The following ALKBH3 variants were observed in gnomAD, a reference collection of about 807,000 sequenced individuals.
ALKBH3 encodes alkB homolog 3, alpha-ketoglutarate dependent dioxygenase, also known as alpha-ketoglutarate-dependent dioxygenase alkB homolog 3.
Under a neutral mutation model 43.9 loss-of-function variants are expected in ALKBH3, and 51 were observed. The observed-to-expected ratio is 1.16, with a 90% confidence interval of 0.93 to 1.47. The LOEUF (loss-of-function observed/expected upper bound fraction) is 1.47. Among genes scored for constraint, ALKBH3 ranks in the 40% most tolerant of loss-of-function variants. The probability of loss-of-function intolerance (pLI) is 0.00; values close to 1 mark genes in which losing one functional copy is unlikely to be tolerated. For synonymous variants in ALKBH3, 102 were observed against 115.2 expected (o/e 0.89, Z 0.73); for missense variants, 361 against 351.9 (o/e 1.03, Z -0.21).
chr11:43,903,642 A>G (rs886782137), intron 8 of ALKBH3, among the ~76,000 whole-genome samples: 6 of 152,174 alleles, frequency 3.9e-5, no homozygotes, highest in African/African-American at 1.2e-4. Context: ...AGCCTTTGGT[A>G]TAATAATGGT....
chr11:43,897,288 C>G (rs1951826058), intron 7 of ALKBH3: 1 of 594,576 alleles, frequency 1.7e-6, no homozygotes. Flanking sequence ...CCGTCGCCAC[C>G]CCACATCCCA....
chr11:43,892,755 G>A (rs1459818559), intron 7 of ALKBH3, among the ~76,000 whole-genome samples: 1 of 152,200 alleles, frequency 6.6e-6, no homozygotes, highest in Non-Finnish European at 1.5e-5. Flanking sequence ...GGCAAATAAT[G>A]TTATGTTTTA....
At chr11:43,906,302 G>C (rs113435479) in intron 8 of ALKBH3, among the ~76,000 whole-genome samples, 4 of 152,292 alleles carry the variant, frequency 2.6e-5, no homozygotes, top group African/African-American at 9.6e-5. Context: ...GGGAAGAGTG[G>C]AGTATAAAAA....
At chr11:43,907,664 G>A (rs898479409) in intron 8 of ALKBH3, among the ~76,000 whole-genome samples, 2 of 152,020 alleles carry the variant, frequency 1.3e-5, no homozygotes, top group Admixed American at 1.3e-4. Context: ...CTGTCTCACC[G>A]AGGCAGAGAA....
At chr11:43,915,103 G>C (rs1005918905) in intron 8 of ALKBH3, among the ~76,000 whole-genome samples, 3 of 151,824 alleles carry the variant, frequency 2.0e-5, no homozygotes, top group African/African-American at 7.3e-5. Context: ...AGCTACTCGG[G>C]AGGCTGAGGC....
At chr11:43,909,607 G>A (rs895976221) in intron 8 of ALKBH3, 26 of 152,190 alleles carry the variant, frequency 1.7e-4, no homozygotes, top group African/African-American at 5.8e-4. Context: ...ATAAATGTAC[G>A]TTTGATCCTC....
rs778429024 is a variant in ALKBH3, at chr11:43,882,740, C to A, written c.79+9C>A. 5.0e-6 allele frequency: 8 copies of A among 1,609,194 alleles called. No individual in the cohort carries two copies. The highest frequency in any genetic ancestry group is 6.8e-6 in the Non-Finnish European group (8 of 1,178,508). ...GGCCATTGCTCAGCCAGGCAAGAAT[C>A]TGTAGGGATTTTGTGTGTGTGTGGA... On this transcript the variant is annotated intron_variant, in intron 2 of 9. Coordinates refer to ENST00000302708, the MANE Select transcript of ALKBH3 (RefSeq NM_139178.4).
At chr11:43,882,764 G>A (rs763778329) in intron 2 of ALKBH3, 33 bp downstream of exon 2, 7 of 1,571,620 alleles carry the variant, frequency 4.5e-6, no homozygotes, top group East Asian at 2.2e-5. Flanking sequence ...TGTGTGTGTG[G>A]ATATGGACAA....
chr11:43,894,771 A>G (rs1183337818), intron 7 of ALKBH3, among the ~76,000 whole-genome samples: 1 of 152,264 alleles, frequency 6.6e-6, no homozygotes, highest in African/African-American at 2.4e-5. Flanking sequence ...AATAGGAAAT[A>G]CAGCCTGCTG....
intron 7 of ALKBH3, chr11:43,898,931 C>T (rs1235750952): frequency 1.3e-6 from 1 of 746,258 alleles, no homozygotes; most frequent in East Asian, 2.5e-5. Flanking sequence ...GACTGGTCCC[C>T]AAATCTCTCT....
At chr11:43,907,479 T>A (rs979501052) in intron 8 of ALKBH3, among the ~76,000 whole-genome samples, 1 of 152,174 alleles carries the variant, frequency 6.6e-6, no homozygotes, top group African/African-American at 2.4e-5. Context: ...ACTAAGTGAT[T>A]CATTGTTGTT....
At chr11:43,918,883 G>A (rs1952004096) in intron 8 of ALKBH3, 155 bp from the exon 9 acceptor site, 1 of 609,708 alleles carries the variant, frequency 1.6e-6, no homozygotes, top group African/African-American at 1.8e-5. Context: ...GAGGTAACTT[G>A]CCAACAGTCA....
chr11:43,886,021 A>G (rs542128333), intron 4 of ALKBH3, among the ~76,000 whole-genome samples: 13 of 152,316 alleles, frequency 8.5e-5, no homozygotes, highest in African/African-American at 2.9e-4. Flanking sequence ...ATGGAAAAGC[A>G]TGGAGTTAGA....
intron 8 of ALKBH3, among the ~76,000 whole-genome samples, chr11:43,917,292 G>A (rs1309597775): frequency 6.6e-6 from 1 of 152,158 alleles, no homozygotes; most frequent in Admixed American, 6.5e-5. Flanking sequence ...GAACTATAGT[G>A]TTTACCTATT....
At chr11:43,894,951 A>G (rs1043739276) in intron 7 of ALKBH3, among the ~76,000 whole-genome samples, 2 of 152,334 alleles carry the variant, frequency 1.3e-5, no homozygotes, top group South Asian at 2.1e-4. Context: ...GAGTCTCCCC[A>G]GGTGTCCCAT....
chr11:43,919,083 T>G lies in ALKBH3; in HGVS notation c.715T>G (p.Leu239Val). 6.2e-7 allele frequency: 1 copy of G among 1,613,384 alleles called. No individual in the cohort carries two copies. Residue 239 changes from leucine to valine, a missense_variant, in exon 9 of 10, where the codon TTG becomes GTG. Transcript: ENST00000302708. ...ATATGTGGAAAGAGTGAAGATACCCTTGGATCATGGGACCTTGTTAATCAT... is the reference window on the plus strand; with the variant it reads ...ATATGTGGAAAGAGTGAAGATACCCGTGGATCATGGGACCTTGTTAATCAT... Reference protein sequence around the residue: ...YTYVERVKIPLDHGTLLIMEG... With the variant: ...YTYVERVKIPVDHGTLLIMEG...
intron 8 of ALKBH3, chr11:43,910,354 A>G (rs1028823427): frequency 6.6e-6 from 1 of 152,240 alleles, no homozygotes; most frequent in Non-Finnish European, 1.5e-5. Context: ...GCAAATAAAT[A>G]GGATCTCATT....
At chr11:43,909,714 C>A (rs1423863972) in intron 8 of ALKBH3, 1 of 152,204 alleles carries the variant, frequency 6.6e-6, no homozygotes, top group East Asian at 1.9e-4. Context: ...AGCACCTCCA[C>A]CCTCTGTCTG....
chr11:43,898,187 C>T (rs776361134), intron 7 of ALKBH3: 62 of 1,216,320 alleles, frequency 5.1e-5, no homozygotes, highest in Non-Finnish European at 6.7e-5. Context: ...GATTTGACTC[C>T]GCTGCAGGAG....
Sources: allele counts gnomAD v4.1 joint callset (sites outside exome capture counted in the v4.1 genomes callset), GRCh38; gene constraint gnomAD v4.1.1; transcripts MANE v1.5; gene names NCBI Gene and HGNC (gene_info 2026-07-23, HGNC 2026-07-21).